Variants in COL6A1 observed in about 807,000 individuals in gnomAD.
The protein encoded by COL6A1 is collagen type VI alpha 1 chain.
COL6A1 carries 80 observed loss-of-function variants against 145.6 expected under a neutral mutation model. The ratio of observed to expected loss-of-function variants is 0.55; its 90% CI spans 0.46 to 0.66. The LOEUF is 0.66. COL6A1 is among the 30% of genes least tolerant of loss of function. The pLI is 0.00. For synonymous variants in COL6A1, 638 were observed against 622.8 expected (o/e 1.02, Z -0.36); for missense variants, 1,364 against 1,473.8 (o/e 0.93, Z 1.22).
Position 45,992,815 on chromosome 21 carries a change from G to A in COL6A1, c.1335+5G>A. ...CGGGGACCAAGAGGAGACCCTGTGA[G>A]TCACAGTTCCTGGAGCTGGGAACCA... On this transcript the variant is annotated splice_donor_5th_base_variant and intron_variant, in intron 19 of 34. Coordinates refer to ENST00000361866, the MANE Select transcript of COL6A1 (RefSeq NM_001848.3). 6.3e-7 allele frequency: 1 copy of A among 1,594,092 alleles called. No individual in the cohort carries two copies. The highest frequency in any genetic ancestry group is 1.3e-5 in the African/African-American group (1 of 74,876).
At chr21:45,983,386 G>C (rs1569517650) in intron 2 of COL6A1, among the ~76,000 whole-genome samples, 1 of 151,056 alleles carries the variant, frequency 6.6e-6, no homozygotes, top group Non-Finnish European at 1.5e-5. Context: ...TGGGTGCACA[G>C]GGCCGCTGAG....
rs2123476904 is a variant in COL6A1 at position 45,994,084 on chromosome 21, C to G, written c.1336-83C>G. ...AACAGCCCAGTGACCACCTGGACAG[C>G]ATGCTGTGGCTCCCAGCGTGCCCGG... On this transcript the variant is annotated intron_variant, in intron 19 of 34. Transcript: ENST00000361866. This position sits in a 1 kb window ranked among gnomAD's most constrained non-coding sequence, Gnocchi z 6.8. 7.2e-7 allele frequency: 1 copy of G among 1,380,950 alleles called. No individual in the cohort carries two copies. The highest frequency in any genetic ancestry group is 1.0e-6 in the Non-Finnish European group (1 of 991,526). 85.5% of individuals were successfully genotyped at this position (1,380,950 alleles called of 1,614,324 possible).
In COL6A1 at chr21:45,984,302, C is replaced by T. The variant is rs770671793; in HGVS notation, c.261C>T (p.Asn87=). The change falls in exon 3 of 35, where the codon AAC becomes AAT. Residue 87 remains asparagine, a synonymous_variant. Coordinates refer to ENST00000361866, the MANE Select transcript of COL6A1 (RefSeq NM_001848.3). ...YYRCDRNLVW[N]AGALHYSDEV... The stretch of plus-strand genomic sequence containing the variant: ...GCTGTGACCGAAACCTGGTGTGGAA[C>T]GCAGGCGCGCTGCACTACAGTGACG... 125 of 1,610,852 alleles carry T rather than the reference C, an allele frequency of 7.8e-5. No individual in the cohort carries two copies. The highest frequency in any genetic ancestry group is 9.8e-5 in the Non-Finnish European group (116 of 1,179,190).
intron 34 of COL6A1, 21 bp downstream of exon 34, chr21:46,003,170 G>C: frequency 6.2e-7 from 1 of 1,614,032 alleles, no homozygotes; most frequent in African/African-American, 1.3e-5. Flanking sequence ...CGGCGGCCGG[G>C]ACACGTGGGG....
chr21:46,000,879 G>T, intron 29 of COL6A1, 112 bp downstream of exon 29: 1 of 1,365,180 alleles, frequency 7.3e-7, no homozygotes, highest in Non-Finnish European at 1.0e-6. Flanking sequence ...CCCGCCCGCA[G>T]CTCCCTGCAC....
chr21:45,997,549 T>C, intron 21 of COL6A1, 66 bp downstream of exon 21: 2 of 1,564,870 alleles, frequency 1.3e-6, no homozygotes, highest in South Asian at 1.1e-5. Context: ...ACCCACTGTC[T>C]GCCCAGTGCT....
At chr21:46,003,179 G>T (rs1222394630) in intron 34 of COL6A1, 30 bp downstream of exon 34, 1 of 1,614,002 alleles carries the variant, frequency 6.2e-7, no homozygotes, top group Admixed American at 1.7e-5. Flanking sequence ...GGACACGTGG[G>T]GAGGAGGGCA....
Position 46,002,630 on chromosome 21 carries a change from G to A in COL6A1, c.2354G>A (p.Gly785Asp). The A allele has an allele frequency of 1.2e-6, 2 of 1,614,082 alleles. No homozygotes were observed. The highest frequency in any genetic ancestry group is 2.2e-5 in the South Asian group (2 of 91,090). ...QGLAPSQGRP[G>D]LSLVKENYAE... ...CTGGCACCATCCCAGGGCCGGCCCG[G>A]CCTCTCGCTGGTCAAGGAGAACTAT... The change falls in exon 33 of 35, where the codon GGC (glycine) becomes GAC (aspartate). Residue 785 changes from glycine (G) to aspartate (D), a missense_variant. Physicochemically the swap from Gly to Asp is moderately conservative, Grantham distance 94. Coordinates refer to ENST00000361866, the MANE Select transcript of COL6A1 (RefSeq NM_001848.3).
chr21:45,993,320 A>G (rs1376742194), intron 19 of COL6A1, among the ~76,000 whole-genome samples: 1 of 152,186 alleles, frequency 6.6e-6, no homozygotes, highest in Non-Finnish European at 1.5e-5. Flanking sequence ...GCAGAAGCAC[A>G]GGGCCCTTCT....
chr21:45,999,850 A>G (rs1368739404), intron 27 of COL6A1, among the ~76,000 whole-genome samples, 158 bp downstream of exon 27: 2 of 75,486 alleles, frequency 2.6e-5, no homozygotes, highest in African/African-American at 5.0e-5. Context: ...CGTGACGGCC[A>G]TGGGAGGACC....
intron 7 of COL6A1, 41 bp downstream of exon 7, chr21:45,987,560 C>T: frequency 6.2e-7 from 1 of 1,612,802 alleles, no homozygotes; most frequent in Non-Finnish European, 8.5e-7. Context: ...GCCCTGCACC[C>T]TGGGAACCTG....
Position 46,004,031 on chromosome 21 carries a change from C to T in COL6A1, c.*18C>T, listed in dbSNP as rs1365523053. ...TGGGCTAGCCCACCCTGCACGCCGG[C>T]ACCAAACCCTGTCCTCCCACCCCTC... On this transcript the variant is annotated 3_prime_UTR_variant, in exon 35 of 35. Coordinates refer to ENST00000361866, the MANE Select transcript of COL6A1 (RefSeq NM_001848.3). 3 of 1,612,848 alleles carry T rather than the reference C, an allele frequency of 1.9e-6. No homozygotes were observed. Among genetic ancestry groups the T allele is most frequent in the African/African-American group, 2.7e-5 (2 of 74,958 alleles).
At chr21:46,002,975 G>C (rs780218961) in intron 33 of COL6A1, 145 bp from the exon 34 acceptor site, 1 of 1,248,976 alleles carries the variant, frequency 8.0e-7, no homozygotes, top group African/African-American at 1.5e-5. Flanking sequence ...GCCTGGGGCT[G>C]TCCCACAGGC....
chr21:46,001,375 G>C lies in COL6A1; in HGVS notation c.1945G>C (p.Glu649Gln), dbSNP rs764129993. 5 of 1,611,572 alleles carry C rather than the reference G, an allele frequency of 3.1e-6. No homozygotes were observed. In the South Asian group the frequency reaches 5.5e-5, roughly 18 times the overall value. ...GGTCATCGACCGGCTGAGCCGGGACGAGCTGGTCAAGGTGAGGCCTCGCCC... is the reference window on the plus strand; with the variant it reads ...GGTCATCGACCGGCTGAGCCGGGACCAGCTGGTCAAGGTGAGGCCTCGCCC... ...VKVIDRLSRD[E>Q]LVKFEPGQSY... is the part of the protein sequence containing the mutation. The change falls in exon 30 of 35, where the codon GAG (glutamate) becomes CAG (glutamine). Residue 649 changes from glutamate (E) to glutamine (Q), a missense_variant. Physicochemically the swap from Glu to Gln is conservative, Grantham distance 29 (BLOSUM62 2). This residue lies in a region of COL6A1 where 938 missense variants were observed against 1,003.8 expected (regional missense o/e 0.93). Coordinates refer to ENST00000361866, the MANE Select transcript of COL6A1 (RefSeq NM_001848.3).
At chr21:45,991,286 C>T (rs1049760525) in intron 15 of COL6A1, among the ~76,000 whole-genome samples, 7 of 152,202 alleles carry the variant, frequency 4.6e-5, no homozygotes, top group African/African-American at 7.2e-5. Flanking sequence ...TTCAGGCCTC[C>T]GCCATTCTGT....
chr21:45,990,357 C>T, intron 12 of COL6A1, 21 bp from the exon 13 acceptor site: 3 of 1,594,764 alleles, frequency 1.9e-6, no homozygotes, highest in Non-Finnish European at 2.6e-6. Context: ...TGACTCCTGC[C>T]TTCGTTTTCC....
rs766293322 is a variant in COL6A1 at position 45,989,586 on chromosome 21, ACCAT to A, written c.859-20_859-17del. On this transcript the variant is annotated intron_variant, in intron 9 of 34. Coordinates refer to ENST00000361866, the MANE Select transcript of COL6A1 (RefSeq NM_001848.3). ...GCCCCTGCTCCTCCGGGGGTGTCTC[ACCAT>A]CTCCTCCTGTGTTCCAGGGAAGACC... The A allele has an allele frequency of 1.2e-6, 2 of 1,611,812 alleles. No homozygotes were observed. The highest frequency in any genetic ancestry group is 2.7e-5 in the African/African-American group (2 of 74,870).
Position 46,003,428 on chromosome 21 carries a change from G to C in COL6A1, c.2502G>C (p.Leu834=), listed in dbSNP as rs766784698. 1 of 1,602,842 alleles carries C rather than the reference G, an allele frequency of 6.2e-7. No homozygotes were observed. Among genetic ancestry groups the C allele is most frequent in the African/African-American group, 1.3e-5 (1 of 75,056 alleles). The part of the protein sequence containing the change: ...FSSPADITIL[L]DGSASVGSHN... ...CCCCGGCTGACATCACCATCCTGCT[G>C]GACGGCTCCGCCAGCGTGGGCAGCC... Residue 834 remains leucine, a synonymous_variant, in exon 35 of 35, where the codon CTG becomes CTC. Transcript: ENST00000361866.
rs2077744328 is a variant in COL6A1 at position 45,987,184 on chromosome 21, C to T, written c.738+9C>T. On this transcript the variant is annotated intron_variant, in intron 6 of 34. Transcript: ENST00000361866. ...ATAACGTGGAGCAAGTGGTAAGAGC[C>T]CTCCCCACCACCCCCAGCCGTGAGT... 1.3e-6 allele frequency: 2 copies of T among 1,594,676 alleles called. No individual in the cohort carries two copies. The highest frequency in any genetic ancestry group is 2.2e-5 in the East Asian group (1 of 44,614).
Sources: gnomAD v4.1 joint callset for allele counts (sites outside exome capture counted in the v4.1 genomes callset) on GRCh38, gnomAD v4.1.1 for gene constraint, gnomAD v4.1.1 regional missense constraint, Gnocchi (gnomAD v3.1) non-coding constraint, MANE v1.5 for transcripts, NCBI Gene and HGNC (gene_info 2026-07-23, HGNC 2026-07-21) for gene names.